Variants in RAB38 observed in about 807,000 individuals in gnomAD.
RAB38 encodes the protein ras-related protein Rab-38.
RAB38 carries 15 observed loss-of-function variants against 18.4 expected under a neutral mutation model. The ratio of observed to expected loss-of-function variants is 0.82; its 90% confidence interval spans 0.55 to 1.26. The LOEUF is 1.26. Among genes scored for constraint, RAB38 ranks in the 50% most tolerant of loss-of-function variants. RAB38 has a pLI of 0.00. For missense variants in RAB38, 294 were observed against 267.4 expected (o/e 1.10, Z -0.69); for synonymous variants, 101 against 104.4 (o/e 0.97, Z 0.20).
At chr11:88,048,530 C>T in the RAB38 span, among the ~76,000 whole-genome samples, 1 of 152,164 alleles carries the variant, frequency 6.6e-6, no homozygotes, top group South Asian at 2.1e-4. Context: ...TCTTTCCCTT[C>T]TCATAATTCA....
chr11:88,032,684 C>T, the RAB38 span, among the ~76,000 whole-genome samples: 15 of 152,192 alleles, frequency 9.9e-5, no homozygotes, highest in Non-Finnish European at 1.9e-4. Context: ...GAGATACCAT[C>T]TCACACCAGT....
chr11:87,834,167 A>G, the RAB38 span, among the ~76,000 whole-genome samples: 1 of 152,174 alleles, frequency 6.6e-6, no homozygotes, highest in Non-Finnish European at 1.5e-5. Flanking sequence ...GCATATGAAG[A>G]AGGAATGCTG....
the RAB38 span, among the ~76,000 whole-genome samples, chr11:88,077,045 A>AAGC: frequency 6.7e-4 from 95 of 142,700 alleles, 1 homozygote; most frequent in Middle Eastern, 3.5e-3. Flanking sequence ...AGCAAGCAAG[A>AAGC]AAAGAAAAAG....
chr11:88,010,691 T>A, the RAB38 span, among the ~76,000 whole-genome samples: 11 of 152,288 alleles, frequency 7.2e-5, no homozygotes, highest in East Asian at 2.1e-3. Context: ...ATATCCACTC[T>A]CTCATTTAAT....
chr11:88,070,288 G>A, the RAB38 span, among the ~76,000 whole-genome samples: 2 of 152,216 alleles, frequency 1.3e-5, no homozygotes, highest in South Asian at 4.1e-4. Context: ...TACTCACCGC[G>A]AAGGTCTGCA....
the RAB38 span, among the ~76,000 whole-genome samples, chr11:88,086,671 A>T: frequency 1.1e-4 from 17 of 152,050 alleles, no homozygotes; most frequent in African/African-American, 4.1e-4. Context: ...CCAGTAAATG[A>T]ATAGCATATG....
chr11:87,904,596 C>A, the RAB38 span, among the ~76,000 whole-genome samples: 6 of 151,542 alleles, frequency 4.0e-5, no homozygotes, highest in African/African-American at 1.4e-4. Context: ...TTTTTAATAT[C>A]CAGTAATGAG....
At chr11:88,066,054 C>T in the RAB38 span, among the ~76,000 whole-genome samples, 3 of 152,152 alleles carry the variant, frequency 2.0e-5, no homozygotes, top group South Asian at 4.1e-4. Flanking sequence ...TTTATAATCA[C>T]CAAAGTTTCA....
At chr11:88,092,358 GA>G in the RAB38 span, among the ~76,000 whole-genome samples, 1 of 12,462 alleles carries the variant, frequency 8.0e-5, no homozygotes. Context: ...GAGGGAGAGA[GA>G]GAGAGAGAGA....
At chr11:87,976,174 G>C in the RAB38 span, among the ~76,000 whole-genome samples, 1 of 145,530 alleles carries the variant, frequency 6.9e-6, no homozygotes, top group East Asian at 2.0e-4. Context: ...ATGTATATAG[G>C]TATATATAGG....
chr11:88,039,475 G>A, the RAB38 span, among the ~76,000 whole-genome samples: 605 of 152,252 alleles, frequency 4.0e-3, 3 homozygotes, highest in African/African-American at 0.013. Context: ...CCCTGGATAA[G>A]CAGAACTGTG....
chr11:88,088,357 A>G, the RAB38 span, among the ~76,000 whole-genome samples: 17 of 151,942 alleles, frequency 1.1e-4, no homozygotes, highest in Non-Finnish European at 2.4e-4. Context: ...GACTCATAAG[A>G]AACAGTTTAA....
At chr11:87,854,980 A>C in the RAB38 span, among the ~76,000 whole-genome samples, 1 of 152,186 alleles carries the variant, frequency 6.6e-6, no homozygotes, top group East Asian at 1.9e-4. Flanking sequence ...ATTTTTTAGT[A>C]GAGATCGGGT....
chr11:87,968,390 C>T, the RAB38 span, among the ~76,000 whole-genome samples: 1 of 152,140 alleles, frequency 6.6e-6, no homozygotes. Context: ...TCCCAGCTTC[C>T]CTTGCGTCTA....
At chr11:88,073,643 A>C in the RAB38 span, among the ~76,000 whole-genome samples, 1 of 152,172 alleles carries the variant, frequency 6.6e-6, no homozygotes, top group Non-Finnish European at 1.5e-5. Flanking sequence ...AAGAAACAAC[A>C]GCAAGCAAGA....
the RAB38 span, among the ~76,000 whole-genome samples, chr11:87,813,128 G>C: frequency 6.2e-4 from 94 of 152,300 alleles, no homozygotes; most frequent in Non-Finnish European, 1.0e-3. Context: ...GTCTCTGGGA[G>C]GGACCCTAAT....
the RAB38 span, among the ~76,000 whole-genome samples, chr11:88,073,532 A>C: frequency 7.2e-5 from 11 of 152,340 alleles, no homozygotes; most frequent in Admixed American, 7.2e-4. Flanking sequence ...TAAATTACGA[A>C]GAACCTCTAA....
At chr11:88,046,132 T>C in the RAB38 span, among the ~76,000 whole-genome samples, 2 of 151,984 alleles carry the variant, frequency 1.3e-5, no homozygotes, top group African/African-American at 4.8e-5. Flanking sequence ...CCCTTTACCA[T>C]CTCATTAAAA....
the RAB38 span, among the ~76,000 whole-genome samples, chr11:87,828,334 G>T: frequency 1.3e-5 from 2 of 151,840 alleles, no homozygotes; most frequent in South Asian, 4.2e-4. Context: ...TAAGAACTTT[G>T]TCATGTTTAC....
Sources: gnomAD v4.1 joint callset for allele counts (sites outside exome capture counted in the v4.1 genomes callset) on GRCh38, gnomAD v4.1.1 for gene constraint, MANE v1.5 for transcripts, NCBI Gene and HGNC (gene_info 2026-07-23, HGNC 2026-07-21) for gene names.